STXBP6: variants seen among roughly 807,000 people sequenced by gnomAD.
STXBP6 encodes syntaxin binding protein 6.
Under a neutral mutation model 26.9 loss-of-function variants are expected in STXBP6, and 21 were observed. The ratio of observed to expected loss-of-function variants is 0.78; its 90% CI spans 0.55 to 1.12. STXBP6 has a LOEUF of 1.12. Ranked by LOEUF, STXBP6 falls within the 50% of genes most tolerant of loss-of-function variation. The pLI is 0.00. For missense variants in STXBP6, 232 were observed against 257.9 expected (o/e 0.90, Z 0.69); for synonymous variants, 97 against 92.6 (o/e 1.05, Z -0.27).
chr14:24,824,504 A>C (rs981574278), intron 4 of STXBP6, among the ~76,000 whole-genome samples: 5 of 152,236 alleles, frequency 3.3e-5, no homozygotes, highest in African/African-American at 9.6e-5. Context: ...CTTAATCCAC[A>C]AAGTCCATTA....
At chr14:24,881,207 G>A (rs2070344201) in intron 2 of STXBP6, among the ~76,000 whole-genome samples, 1 of 151,896 alleles carries the variant, frequency 6.6e-6, no homozygotes, top group South Asian at 2.1e-4. Context: ...GCCACTAATT[G>A]AAGGGTAAAA....
intron 2 of STXBP6, among the ~76,000 whole-genome samples, chr14:24,927,470 A>G (rs1167213708): frequency 6.6e-6 from 1 of 152,236 alleles, no homozygotes; most frequent in Non-Finnish European, 1.5e-5. Context: ...GGCAGAACAT[A>G]TTTGTGCTCA....
intron 2 of STXBP6, among the ~76,000 whole-genome samples, chr14:24,869,518 T>A (rs573942858): frequency 6.6e-6 from 1 of 152,300 alleles, no homozygotes; most frequent in East Asian, 1.9e-4. Context: ...TGATGAAGAT[T>A]CAGAACAAAA....
At chr14:24,856,955 C>G (rs138381664) in intron 3 of STXBP6, 72 bp downstream of exon 3, 32 of 1,534,738 alleles carry the variant, frequency 2.1e-5, no homozygotes, top group Non-Finnish European at 2.6e-5. Context: ...CCACCACTAC[C>G]ACTACCAAGG....
rs1038460966 is a variant in STXBP6, at chr14:24,878,629, T to A, written c.155-21472A>T. The A allele has an allele frequency of 1.3e-4, 24 of 183,644 alleles. No individual in the cohort carries two copies. In the Admixed American group the frequency reaches 1.4e-3, roughly 10 times the overall value. 11.4% of individuals were successfully genotyped at this position (183,644 alleles called of 1,614,324 possible). A position where few individuals can be genotyped will look rare whatever the true frequency, so the allele number is the denominator to read the frequency against. On this transcript the variant is annotated intron_variant, in intron 2 of 5. Coordinates refer to ENST00000323944, the MANE Select transcript of STXBP6 (RefSeq NM_001394410.1). ...TAACCTTTTCTTATTTATTTATTTATTTTTAAATTTATTTTTATTTACCTT... is the reference window on the plus strand; with the variant it reads ...TAACCTTTTCTTATTTATTTATTTAATTTTAAATTTATTTTTATTTACCTT...
intron 1 of STXBP6, among the ~76,000 whole-genome samples, chr14:25,031,701 A>C (rs1025908215): frequency 4.0e-5 from 6 of 151,770 alleles, no homozygotes; most frequent in African/African-American, 1.5e-4. Flanking sequence ...GAATGGCTGT[A>C]TGTATCTCCC....
chr14:24,987,699 C>A (rs987647698), intron 1 of STXBP6, among the ~76,000 whole-genome samples: 1 of 152,244 alleles, frequency 6.6e-6, no homozygotes, highest in African/African-American at 2.4e-5. Context: ...CTACCCTCTG[C>A]CACTCCATAG....
chr14:25,029,365 A>C, intron 1 of STXBP6, among the ~76,000 whole-genome samples: 1 of 152,160 alleles, frequency 6.6e-6, no homozygotes, highest in East Asian at 1.9e-4. Flanking sequence ...TCGACCAGCA[A>C]AAGGATTACT....
intron 1 of STXBP6, among the ~76,000 whole-genome samples, chr14:24,990,783 G>C (rs1302048954): frequency 6.6e-6 from 1 of 151,834 alleles, no homozygotes; most frequent in Non-Finnish European, 1.5e-5. Flanking sequence ...GAAGAAGGTT[G>C]ATCACATACA....
At chr14:24,831,998 T>C (rs1225466964) in intron 4 of STXBP6, among the ~76,000 whole-genome samples, 1 of 152,160 alleles carries the variant, frequency 6.6e-6, no homozygotes, top group African/African-American at 2.4e-5. Context: ...CAACTTACTC[T>C]AGGTCTTCAA....
intron 2 of STXBP6, among the ~76,000 whole-genome samples, chr14:24,867,505 G>A (rs2069766372): frequency 6.6e-6 from 1 of 152,146 alleles, no homozygotes; most frequent in Admixed American, 6.6e-5. Context: ...CTGTACATAT[G>A]TGGAAAACTT....
intron 2 of STXBP6, among the ~76,000 whole-genome samples, chr14:24,913,077 G>A (rs961326550): frequency 6.7e-6 from 1 of 150,248 alleles, no homozygotes; most frequent in African/African-American, 2.5e-5. Flanking sequence ...TAATTACAGG[G>A]TAATTCACAG....
chr14:24,932,131 G>T (rs375634471), intron 2 of STXBP6, among the ~76,000 whole-genome samples: 1 of 152,154 alleles, frequency 6.6e-6, no homozygotes, highest in African/African-American at 2.4e-5. Context: ...GATTTGGGCT[G>T]GGCACGGTGG....
At chr14:24,899,315 A>T (rs1233560006) in intron 2 of STXBP6, among the ~76,000 whole-genome samples, 1 of 152,228 alleles carries the variant, frequency 6.6e-6, no homozygotes, top group African/African-American at 2.4e-5. Flanking sequence ...CCTAGGAAAT[A>T]AGAAAATTCA....
intron 4 of STXBP6, among the ~76,000 whole-genome samples, chr14:24,850,041 A>G (rs1251493528): frequency 6.6e-6 from 1 of 152,164 alleles, no homozygotes; most frequent in Non-Finnish European, 1.5e-5. Context: ...AAATCATGGC[A>G]AATGTTATAG....
At chr14:25,036,451 C>T (rs10142533) in intron 1 of STXBP6, among the ~76,000 whole-genome samples, 73,509 of 151,912 alleles carry the variant, frequency 0.48, 19,580 homozygotes, top group African/African-American at 0.72. Context: ...CAGGGCATTC[C>T]TTTCAGGAAA....
chr14:24,930,681 T>C (rs1035817712), intron 2 of STXBP6, among the ~76,000 whole-genome samples: 2 of 152,164 alleles, frequency 1.3e-5, no homozygotes, highest in Non-Finnish European at 2.9e-5. Flanking sequence ...AAAGTCTGTG[T>C]CTGGGTAATA....
chr14:24,998,289 G>A (rs1461089878), intron 1 of STXBP6, among the ~76,000 whole-genome samples: 1 of 152,102 alleles, frequency 6.6e-6, no homozygotes, highest in African/African-American at 2.4e-5. Flanking sequence ...CTAGGAAGTG[G>A]GAAGGGGTTA....
chr14:25,049,732 C>G lies in STXBP6; in HGVS notation c.-33+146G>C. On this transcript the variant is annotated intron_variant, in intron 1 of 5. Coordinates refer to ENST00000323944, the MANE Select transcript of STXBP6 (RefSeq NM_001394410.1). The surrounding 1 kb of genome is among the most constrained non-coding windows in gnomAD (Gnocchi z 5.6). ...GCCACCCGCCAACTTGGAAGAATCT[C>G]TCTGGGAGCCTGCCTACTCCCCTGG... 1.0e-6 allele frequency: 1 copy of G among 985,558 alleles called. No homozygotes were observed. The highest frequency in any genetic ancestry group is 1.2e-6 in the Non-Finnish European group (1 of 830,082). The allele number at this position is 985,558 out of a possible 1,614,324, so 61.1% of individuals were successfully genotyped here.
Sources: allele counts gnomAD v4.1 joint callset (sites outside exome capture counted in the v4.1 genomes callset), GRCh38; gene constraint gnomAD v4.1.1; non-coding constraint Gnocchi (gnomAD v3.1); transcripts MANE v1.5; gene names NCBI Gene and HGNC (gene_info 2026-07-23, HGNC 2026-07-21).